Variants in TMC6 observed in about 807,000 individuals in gnomAD.
TMC6 encodes the protein transmembrane channel-like protein 6.
In TMC6, 71 loss-of-function variants were observed where a neutral mutation model predicts 95.4. The ratio of observed to expected loss-of-function variants is 0.74; its 90% confidence interval spans 0.61 to 0.91. The LOEUF is 0.91. TMC6 is among the 40% of genes least tolerant of loss of function. TMC6 has a pLI of 0.00. For synonymous variants in TMC6, 514 were observed against 483.1 expected (o/e 1.06, Z -0.84); for missense variants, 1,074 against 1,079.1 (o/e 1.00, Z 0.07).
At chr17:78,129,538 G>T (rs1202428113), upstream of TMC6, among the ~76,000 whole-genome samples, 1 of 152,160 alleles carries the variant, frequency 6.6e-6, no homozygotes, top group East Asian at 1.9e-4. The surrounding 1 kb of genome is among the most constrained non-coding windows in gnomAD (Gnocchi z 4.3). Context: ...GGAAGGGAGG[G>T]TCATTCCTGG....
intron 18 of TMC6, among the ~76,000 whole-genome samples, chr17:78,114,557 G>A (rs545221829): frequency 2.3e-4 from 35 of 152,120 alleles, no homozygotes; most frequent in South Asian, 1.2e-3. Flanking sequence ...CTGGTGCACC[G>A]AAACACTGAT....
At position 78,124,718 on chromosome 17, in the gene TMC6, C is replaced by T. The variant is rs758146730; in HGVS notation, c.697G>A (p.Ala233Thr). The T allele has an allele frequency of 1.8e-5, 28 of 1,592,326 alleles. No homozygotes were observed. The Admixed American group carries it at 2.3e-4, about 13-fold the overall frequency. Reference protein sequence around the residue: ...ALQALMPWRYALKRIGGQFGS... With the variant: ...ALQALMPWRYTLKRIGGQFGS... ...AACTGGCCCCCGATGCGCTTCAGGGCGTAGCGCCACGGCATCAGGGCCTGC... is the reference window on the plus strand; with the variant it reads ...AACTGGCCCCCGATGCGCTTCAGGGTGTAGCGCCACGGCATCAGGGCCTGC... Residue 233 changes from alanine to threonine, a missense_variant, in exon 8 of 20, where the codon GCC becomes ACC. Physicochemically the swap from Ala to Thr is moderately conservative, Grantham distance 58 (BLOSUM62 0). Coordinates refer to ENST00000590602, the MANE Select transcript of TMC6 (RefSeq NM_001127198.5).
chr17:78,125,770 C>A lies in TMC6; in HGVS notation c.386G>T (p.Arg129Leu), dbSNP rs367594085. The A allele has an allele frequency of 6.4e-7, 1 of 1,567,406 alleles. No homozygotes were observed. The highest frequency in any genetic ancestry group is 8.6e-7 in the Non-Finnish European group (1 of 1,156,450). ...NFVRSAWPSL[R>L]LYDLELDPTA... ...GGGGTCCAGCTCCAGGTCGTACAGG[C>A]GGAGGCTGGGCCAGGCGGAGCGGAC... Residue 129 changes from arginine to leucine, a missense_variant, in exon 5 of 20, where the codon CGC (arginine) becomes CTC (leucine). Physicochemically the swap from Arg to Leu is moderately radical, Grantham distance 102. Coordinates refer to ENST00000590602, the MANE Select transcript of TMC6 (RefSeq NM_001127198.5).
Position 78,126,596 on chromosome 17 carries a change from G to A in TMC6, c.109C>T (p.Leu37Phe). Residue 37 changes from leucine (L) to phenylalanine (F), a missense_variant, in exon 3 of 20, where the codon CTC becomes TTC. Leu to Phe is a conservative substitution (Grantham distance 22). Coordinates refer to ENST00000590602, the MANE Select transcript of TMC6 (RefSeq NM_001127198.5). Reference sequence around the variant, plus strand: ...GTGCACTGGCTCTGCTCCTGGATGAGCTGCTGGAAGGAGTCGTGCACTTCG... The same window carrying A: ...GTGCACTGGCTCTGCTCCTGGATGAACTGCTGGAAGGAGTCGTGCACTTCG... ...ESEVHDSFQQLIQEQSQCTAQ... is the reference protein window; with the variant it reads ...ESEVHDSFQQFIQEQSQCTAQ... 6.2e-7 allele frequency: 1 copy of A among 1,613,720 alleles called. No individual in the cohort carries two copies. The highest frequency in any genetic ancestry group is 8.5e-7 in the Non-Finnish European group (1 of 1,180,004).
chr17:78,121,490 G>C lies in TMC6; in HGVS notation c.1383+66C>G. Reference sequence around the variant, plus strand: ...GGAGAGGCAAGGCTGCCTCCCCAGGGGGCAGGTGCCCAGAGTCACTGGGGA... The same window carrying C: ...GGAGAGGCAAGGCTGCCTCCCCAGGCGGCAGGTGCCCAGAGTCACTGGGGA... On this transcript the variant is annotated intron_variant, in intron 11 of 19. Coordinates refer to ENST00000590602, the MANE Select transcript of TMC6 (RefSeq NM_001127198.5). This position sits in a 1 kb window ranked among gnomAD's most constrained non-coding sequence, Gnocchi z 5.6. 2 of 1,606,872 alleles carry C rather than the reference G, an allele frequency of 1.2e-6. No individual in the cohort carries two copies. Among genetic ancestry groups the C allele is most frequent in the South Asian group, 2.2e-5 (2 of 90,386 alleles).
At chr17:78,115,501 G>A (rs545498214) in intron 18 of TMC6, among the ~76,000 whole-genome samples, 4 of 152,292 alleles carry the variant, frequency 2.6e-5, no homozygotes, top group South Asian at 2.1e-4. Flanking sequence ...ACGGGGGGCC[G>A]TTCCCCAGGG....
intron 1 of TMC6, chr17:78,127,144 G>A (rs1257523479): frequency 2.6e-5 from 14 of 538,430 alleles, no homozygotes; most frequent in Non-Finnish European, 6.7e-6. Flanking sequence ...TGTGGGGTCT[G>A]CAGTTCCACA....
In TMC6 at chr17:78,121,571, C is replaced by G; in HGVS notation, c.1368G>C (p.Ser456=). The change falls in exon 11 of 20, where the codon TCG becomes TCC. Residue 456 remains serine (S), a synonymous_variant. Transcript: ENST00000590602. The surrounding 1 kb of genome is among the most constrained non-coding windows in gnomAD (Gnocchi z 5.6). ...LGCAVAVHVF[S]EFMIQSPEAA... ...ATCCCCGCACCTGGATCATGAACTC[C>G]GAGAAGACGTGGACGGCCACGGCGC... is the stretch of plus-strand genomic sequence containing the variant. 2.5e-6 allele frequency: 4 copies of G among 1,611,462 alleles called. No homozygotes were observed. Among genetic ancestry groups the G allele is most frequent in the Non-Finnish European group, 2.5e-6 (3 of 1,179,738 alleles).
Position 78,121,847 on chromosome 17 carries a change from GC to G in TMC6, c.1228-137del. On this transcript the variant is annotated intron_variant, in intron 10 of 19. Coordinates refer to ENST00000590602, the MANE Select transcript of TMC6 (RefSeq NM_001127198.5). The surrounding 1 kb of genome is among the most constrained non-coding windows in gnomAD (Gnocchi z 5.6). ...CCAGGACAGAGGGCCAGTTCCCCAT[GC>G]CCCACCTGCCCTTTCATCTGCTGAG... 1 of 1,147,872 alleles carries G rather than the reference GC, an allele frequency of 8.7e-7. No individual in the cohort carries two copies. Among genetic ancestry groups the G allele is most frequent in the Non-Finnish European group, 1.2e-6 (1 of 829,700 alleles). The allele number at this position is 1,147,872 out of a possible 1,614,324, so 71.1% of individuals were successfully genotyped here.
upstream of TMC6, chr17:78,130,812 G>A (rs2074944288): frequency 6.6e-6 from 1 of 152,480 alleles, no homozygotes; most frequent in South Asian, 2.0e-4. Context: ...AGTCGTCTGA[G>A]AAGGGGACTC....
Position 78,121,591 on chromosome 17 carries a change from C to T in TMC6, c.1348G>A (p.Val450Met), listed in dbSNP as rs138918101. 7.4e-6 allele frequency: 12 copies of T among 1,611,450 alleles called. No homozygotes were observed. Among genetic ancestry groups the T allele is most frequent in the Middle Eastern group, 1.8e-4 (1 of 5,482 alleles). The change falls in exon 11 of 20, where the codon GTG becomes ATG. Residue 450 changes from valine (V) to methionine (M), a missense_variant. Physicochemically the swap from Val to Met is conservative, Grantham distance 21. Coordinates refer to ENST00000590602, the MANE Select transcript of TMC6 (RefSeq NM_001127198.5). This position sits in a 1 kb window ranked among gnomAD's most constrained non-coding sequence, Gnocchi z 5.6. Reference protein sequence around the residue: ...LCLGTALGCAVAVHVFSEFMI... With the variant: ...LCLGTALGCAMAVHVFSEFMI... ...AACTCCGAGAAGACGTGGACGGCCA[C>T]GGCGCAGCCCAGCGCGGTCCCCAGA...
At chr17:78,123,042 AC>A in intron 9 of TMC6, 1 of 525,444 alleles carries the variant, frequency 1.9e-6, no homozygotes, top group Non-Finnish European at 3.5e-6. Flanking sequence ...TGCTGGGCTC[AC>A]CTCAGGGCCT....
upstream of TMC6, chr17:78,131,624 C>A (rs1358582554): frequency 1.3e-6 from 2 of 1,551,838 alleles, no homozygotes; most frequent in African/African-American, 2.7e-5. Flanking sequence ...CGGAGCGGGC[C>A]CCTGGGGTGC....
At chr17:78,123,081 C>T in intron 9 of TMC6, 1 of 446,784 alleles carries the variant, frequency 2.2e-6, no homozygotes, top group Non-Finnish European at 4.2e-6. Context: ...ATGACCAAAA[C>T]ATCTTCCCTG....
rs1224440778 is a variant in TMC6 at position 78,126,362 on chromosome 17, A to C, written c.186T>G (p.Ser62Arg). 3.8e-6 allele frequency: 6 copies of C among 1,591,226 alleles called. No homozygotes were observed. Among genetic ancestry groups the C allele is most frequent in the Non-Finnish European group, 5.1e-6 (6 of 1,174,146 alleles). ...CGGGCCGCCAGAGTGTCTGCTGGCT[A>C]CTTCCTACAAAGCAAGAAAGACTCA... Reference protein sequence around the residue: ...LQQREREVTGSSQQTLWRPEG... With the variant: ...LQQREREVTGRSQQTLWRPEG... The change falls in exon 4 of 20, where the codon AGT (serine) becomes AGG (arginine). Residue 62 changes from serine to arginine, a missense_variant. Transcript: ENST00000590602.
chr17:78,125,142 G>T lies in TMC6; in HGVS notation c.536+16C>A, dbSNP rs1273195560. 4 of 1,554,524 alleles carry T rather than the reference G, an allele frequency of 2.6e-6. No individual in the cohort carries two copies. Among genetic ancestry groups the T allele is most frequent in the Non-Finnish European group, 3.5e-6 (4 of 1,149,234 alleles). On this transcript the variant is annotated intron_variant, in intron 6 of 19. Coordinates refer to ENST00000590602, the MANE Select transcript of TMC6 (RefSeq NM_001127198.5). ...GGCGCAGCAGCGGCGGCATGGTCAG[G>T]GTCGGGGCTGCTCACCGCAGGCTGC...
rs764510487 is a variant in TMC6 at position 78,121,543 on chromosome 17, C to T, written c.1383+13G>A. The T allele has an allele frequency of 1.9e-6, 3 of 1,610,826 alleles. No individual in the cohort carries two copies. The highest frequency in any genetic ancestry group is 1.3e-5 in the African/African-American group (1 of 74,784). On this transcript the variant is annotated intron_variant, in intron 11 of 19. Coordinates refer to ENST00000590602, the MANE Select transcript of TMC6 (RefSeq NM_001127198.5). The surrounding 1 kb of genome is among the most constrained non-coding windows in gnomAD (Gnocchi z 5.6). ...CGTTCCAAGCAAGGGCCAGGCTCCCCCCATCCCCGCACCTGGATCATGAAC... is the reference window on the plus strand; with the variant it reads ...CGTTCCAAGCAAGGGCCAGGCTCCCTCCATCCCCGCACCTGGATCATGAAC...
At chr17:78,114,661 C>T (rs2073964964) in intron 18 of TMC6, among the ~76,000 whole-genome samples, 2 of 151,504 alleles carry the variant, frequency 1.3e-5, no homozygotes, top group South Asian at 4.2e-4. Context: ...GCTCTGGGCA[C>T]CTGGCAACCT....
At chr17:78,116,992 C>T (rs1022505705) in intron 18 of TMC6, among the ~76,000 whole-genome samples, 3 of 152,238 alleles carry the variant, frequency 2.0e-5, no homozygotes, top group Admixed American at 6.5e-5. Flanking sequence ...AAACCCTCAG[C>T]GGGGCCACAC....
Sources: allele counts gnomAD v4.1 joint callset (sites outside exome capture counted in the v4.1 genomes callset), GRCh38; gene constraint gnomAD v4.1.1; non-coding constraint Gnocchi (gnomAD v3.1); transcripts MANE v1.5; gene names NCBI Gene and HGNC (gene_info 2026-07-23, HGNC 2026-07-21).